Variants in PKD1L1 observed in about 807,000 individuals in gnomAD.
PKD1L1 encodes the protein polycystin-1-like protein 1.
A neutral mutation model predicts 323.4 loss-of-function variants in PKD1L1; 236 were observed. The ratio of observed to expected loss-of-function variants is 0.73; its 90% CI spans 0.66 to 0.81. The LOEUF (loss-of-function observed/expected upper bound fraction) is 0.81. Ranked by LOEUF, PKD1L1 falls within the 40% of genes least tolerant of loss-of-function variation. The pLI is 0.00. For synonymous variants in PKD1L1, 1,344 were observed against 1,335.0 expected (o/e 1.01, Z -0.15); for missense variants, 3,320 against 3,508.0 (o/e 0.95, Z 1.35).
At chr7:47,890,156 C>T (rs1382339023) in intron 16 of PKD1L1, among the ~76,000 whole-genome samples, 1 of 152,218 alleles carries the variant, frequency 6.6e-6, no homozygotes, top group Non-Finnish European at 1.5e-5. Context: ...GCTTGGAAGG[C>T]CTGGGCAATG....
At chr7:47,854,663 T>C (rs1462189801) in intron 30 of PKD1L1, among the ~76,000 whole-genome samples, 6 of 152,228 alleles carry the variant, frequency 3.9e-5, no homozygotes, top group Non-Finnish European at 7.3e-5. Flanking sequence ...ATTATAATGC[T>C]TCTCACTCTA....
chr7:47,882,001 G>C lies in PKD1L1; in HGVS notation c.3350C>G (p.Ser1117Cys). The change falls in exon 20 of 57, where the codon TCC (serine) becomes TGC (cysteine). Residue 1117 changes from serine to cysteine, a missense_variant. Transcript: ENST00000289672. ...AGGCTCGGCTCTGCCTGCAGACAGG[G>C]AGGGGTCCACCAGGTTATCCCCATC... Reference protein sequence around the residue: ...PGDGDNLVDPSLSAGRAEPVL... With the variant: ...PGDGDNLVDPCLSAGRAEPVL... 1 of 1,614,094 alleles carries C rather than the reference G, an allele frequency of 6.2e-7. No individual in the cohort carries two copies. Among genetic ancestry groups the C allele is most frequent in the Non-Finnish European group, 8.5e-7 (1 of 1,180,002 alleles).
chr7:47,883,222 G>A (rs527758083), intron 19 of PKD1L1, among the ~76,000 whole-genome samples: 16 of 152,270 alleles, frequency 1.1e-4, no homozygotes, highest in South Asian at 2.1e-4. Context: ...AAACAAAAGC[G>A]TTCTGGCTAA....
intron 13 of PKD1L1, among the ~76,000 whole-genome samples, 180 bp downstream of exon 13, chr7:47,902,197 CCT>C (rs1787107011): frequency 6.6e-6 from 1 of 152,168 alleles, no homozygotes; most frequent in African/African-American, 2.4e-5. Context: ...CCCTCCCTCC[CCT>C]GAGGACCCAG....
rs1195588495 is a variant in PKD1L1 at position 47,905,859 on chromosome 7, G to A, written c.1506C>T (p.Val502=). 4 of 1,612,882 alleles carry A rather than the reference G, an allele frequency of 2.5e-6. No individual in the cohort carries two copies. In the African/African-American group the frequency reaches 5.3e-5, roughly 22 times the overall value. ...AAGACATACATTGCATCTTATACCAGACAGTCATGCTGTGCCAAGCCTGGC... is the reference window on the plus strand; with the variant it reads ...AAGACATACATTGCATCTTATACCAAACAGTCATGCTGTGCCAAGCCTGGC... ...GDSQAWHSMT[V]WYKMQSVSVY... is the part of the protein sequence containing the mutation. Residue 502 remains valine, a synonymous_variant, in exon 10 of 57, where the codon GTC becomes GTT. Coordinates refer to ENST00000289672, the MANE Select transcript of PKD1L1 (RefSeq NM_138295.5).
At chr7:47,832,750 G>C (rs1785373858) in intron 41 of PKD1L1, among the ~76,000 whole-genome samples, 1 of 152,240 alleles carries the variant, frequency 6.6e-6, no homozygotes, top group Non-Finnish European at 1.5e-5. Flanking sequence ...TCATTGCTGA[G>C]ATTCCAGCAT....
chr7:47,871,640 G>A (rs752024029), intron 24 of PKD1L1, among the ~76,000 whole-genome samples: 8 of 152,166 alleles, frequency 5.3e-5, no homozygotes, highest in Non-Finnish European at 1.0e-4. Context: ...CATCCAAAAC[G>A]TAACAAATTA....
chr7:47,824,742 C>T (rs2128733481), intron 45 of PKD1L1, among the ~76,000 whole-genome samples: 1 of 152,318 alleles, frequency 6.6e-6, no homozygotes, highest in Admixed American at 6.5e-5. Flanking sequence ...CCTGGCTTCC[C>T]TCCTGCAGCG....
intron 51 of PKD1L1, 141 bp downstream of exon 51, chr7:47,809,332 G>T: frequency 1.6e-6 from 1 of 624,868 alleles, no homozygotes; most frequent in Non-Finnish European, 2.7e-6. Context: ...ATGCTGTTTT[G>T]AGATTAACAC....
chr7:47,786,331 A>C (rs1786806737), intron 56 of PKD1L1, among the ~76,000 whole-genome samples: 2 of 147,102 alleles, frequency 1.4e-5, no homozygotes, highest in African/African-American at 5.0e-5. Context: ...GCTGAGAGAA[A>C]ATTCACCCTC....
rs758364437 is a variant in PKD1L1, at chr7:47,904,334, C to T, written c.1931+44G>A. The T allele has an allele frequency of 1.6e-5, 26 of 1,611,222 alleles. No individual in the cohort carries two copies. In the Middle Eastern group the frequency reaches 6.8e-4, roughly 42 times the overall value. On this transcript the variant is annotated intron_variant, in intron 12 of 56. Coordinates refer to ENST00000289672, the MANE Select transcript of PKD1L1 (RefSeq NM_138295.5). ...GCTGATGCCTTAAGACTCTGATTCCCGCGCTGTCTGTAGAGAGCACTCCGC... is the reference window on the plus strand; with the variant it reads ...GCTGATGCCTTAAGACTCTGATTCCTGCGCTGTCTGTAGAGAGCACTCCGC...
At chr7:47,879,880 C>A (rs557025484) in intron 21 of PKD1L1, among the ~76,000 whole-genome samples, 2 of 125,746 alleles carry the variant, frequency 1.6e-5, no homozygotes, top group Non-Finnish European at 3.2e-5. Flanking sequence ...TTGCGGTGAG[C>A]CAAGATCGGG....
chr7:47,815,490 C>T (rs1447349269), intron 46 of PKD1L1, 33 bp from the exon 47 acceptor site: 3 of 1,605,558 alleles, frequency 1.9e-6, no homozygotes, highest in African/African-American at 1.3e-5. Context: ...AAAGTTGCTT[C>T]TGCATCAACA....
At chr7:47,929,000 A>G (rs1787707799) in intron 7 of PKD1L1, among the ~76,000 whole-genome samples, 1 of 152,226 alleles carries the variant, frequency 6.6e-6, no homozygotes, top group Non-Finnish European at 1.5e-5. Context: ...TGAAGTATGT[A>G]GAGTTGGTCA....
At chr7:47,863,855 C>T (rs1425016855) in intron 26 of PKD1L1, among the ~76,000 whole-genome samples, 2 of 152,126 alleles carry the variant, frequency 1.3e-5, no homozygotes, top group African/African-American at 4.8e-5. Flanking sequence ...GACCTTGTCT[C>T]TTAAAAAAAC....
chr7:47,850,765 A>G (rs1352405292), intron 31 of PKD1L1, among the ~76,000 whole-genome samples: 2 of 152,214 alleles, frequency 1.3e-5, no homozygotes, highest in Non-Finnish European at 2.9e-5. Context: ...ACTTTTGACT[A>G]TGTGCTCTTA....
rs1291182940 is a variant in PKD1L1 at position 47,930,829 on chromosome 7, A to AAAC, written c.737+272_737+274dup. Among the ~76,000 whole-genome samples the AAAC allele has an allele frequency of 3.9e-5, 6 of 152,244 alleles. No homozygotes were observed. In the East Asian group the frequency reaches 1.2e-3, roughly 29 times the overall value. ...GACTCTGTCAAAAAAACAAACAAAC[A>AAAC]AACAACAACAACAAAATATACACAG... On this transcript the variant is annotated intron_variant, in intron 6 of 56. Coordinates refer to ENST00000289672, the MANE Select transcript of PKD1L1 (RefSeq NM_138295.5).
chr7:47,796,261 C>T (rs186141382), intron 54 of PKD1L1, 111 bp from the exon 55 acceptor site: 31 of 1,040,678 alleles, frequency 3.0e-5, no homozygotes, highest in Middle Eastern at 3.3e-4. Context: ...TGCTACTTTA[C>T]GAGCTTTTGG....
intron 15 of PKD1L1, among the ~76,000 whole-genome samples, chr7:47,891,790 T>TA (rs761416030): frequency 4.5e-4 from 68 of 152,302 alleles, no homozygotes; most frequent in Non-Finnish European, 7.6e-4. Flanking sequence ...ACTGTGCAGG[T>TA]GCTAGGGCAT....
Sources: allele counts gnomAD v4.1 joint callset (sites outside exome capture counted in the v4.1 genomes callset), GRCh38; gene constraint gnomAD v4.1.1; transcripts MANE v1.5; gene names NCBI Gene and HGNC (gene_info 2026-07-23, HGNC 2026-07-21).